The following ANAPC10 variants were observed in gnomAD, a reference collection of about 807,000 sequenced individuals.
The protein encoded by ANAPC10 is anaphase-promoting complex subunit 10.
A neutral mutation model predicts 22.0 loss-of-function variants in ANAPC10; 12 were observed. That is an observed-to-expected ratio of 0.55 (90% CI 0.35 to 0.88). ANAPC10 has a LOEUF of 0.88. Ranked by LOEUF, ANAPC10 falls within the 40% of genes least tolerant of loss-of-function variation. The pLI is 0.01. For missense variants in ANAPC10, 188 were observed against 220.9 expected (o/e 0.85, Z 0.94); for synonymous variants, 65 against 69.5 (o/e 0.94, Z 0.32).
At chr4:145,057,008 CA>C (rs1742161041) in intron 4 of ANAPC10, among the ~76,000 whole-genome samples, 1 of 152,082 alleles carries the variant, frequency 6.6e-6, no homozygotes, top group African/African-American at 2.4e-5. Flanking sequence ...TGCAAAAGAT[CA>C]CTTGAAAAAA....
chr4:144,997,967 A>C (rs1182649142), intron 4 of ANAPC10, among the ~76,000 whole-genome samples: 2 of 152,224 alleles, frequency 1.3e-5, no homozygotes, highest in African/African-American at 4.8e-5. Flanking sequence ...ACCAACAAAG[A>C]TCAAAAGAGA....
chr4:145,025,499 G>C (rs1736527543), intron 4 of ANAPC10, among the ~76,000 whole-genome samples: 1 of 151,988 alleles, frequency 6.6e-6, no homozygotes, highest in South Asian at 2.1e-4. Flanking sequence ...GAGAGGGAGG[G>C]AGATGGGAAA....
At chr4:145,030,477 C>A (rs1164416871) in intron 4 of ANAPC10, among the ~76,000 whole-genome samples, 1 of 152,160 alleles carries the variant, frequency 6.6e-6, no homozygotes, top group Non-Finnish European at 1.5e-5. Flanking sequence ...TGGCTCTGAG[C>A]TGACATTGAT....
At chr4:145,092,691 A>C (rs1747868442) in intron 2 of ANAPC10, among the ~76,000 whole-genome samples, 3 of 152,126 alleles carry the variant, frequency 2.0e-5, no homozygotes. Context: ...AAACAGCCTA[A>C]GTCAGTGCTA....
intron 4 of ANAPC10, among the ~76,000 whole-genome samples, chr4:145,012,947 T>C (rs958291563): frequency 9.9e-5 from 15 of 152,038 alleles, no homozygotes; most frequent in Non-Finnish European, 1.5e-4. Context: ...TGATAGTGAG[T>C]GAGTTATCAC....
At chr4:145,027,645 T>A (rs950648458) in intron 4 of ANAPC10, among the ~76,000 whole-genome samples, 1 of 152,166 alleles carries the variant, frequency 6.6e-6, no homozygotes, top group Admixed American at 6.5e-5. Context: ...ATGCAAAGCA[T>A]CAGAAATTAA....
Position 145,082,253 on chromosome 4 carries a change from G to A in ANAPC10, c.116-503C>T, listed in dbSNP as rs529942921. On this transcript the variant is annotated intron_variant, in intron 2 of 4. Transcript: ENST00000507656. ...CAACCTCCGCCTCCCGGATTCAAGC[G>A]ATTCTCCTGCCTCAGCCTCCCAAGT... is the stretch of plus-strand genomic sequence containing the variant. Among the ~76,000 whole-genome samples, 17 of 152,298 alleles carry A rather than the reference G, an allele frequency of 1.1e-4. No homozygotes were observed. The South Asian group carries it at 2.3e-3, about 20-fold the overall frequency.
At chr4:145,017,251 C>CA (rs1735312959) in intron 4 of ANAPC10, among the ~76,000 whole-genome samples, 1 of 151,728 alleles carries the variant, frequency 6.6e-6, no homozygotes, top group Admixed American at 6.6e-5. Flanking sequence ...CCAGAATCTA[C>CA]AAAGAACTCA....
At chr4:145,030,848 G>C (rs1239493193) in intron 4 of ANAPC10, among the ~76,000 whole-genome samples, 1 of 152,176 alleles carries the variant, frequency 6.6e-6, no homozygotes, top group Non-Finnish European at 1.5e-5. Flanking sequence ...AGGACTTGAA[G>C]GACGTGGGGG....
chr4:145,059,768 G>A (rs1579069401), intron 4 of ANAPC10, among the ~76,000 whole-genome samples: 2 of 151,922 alleles, frequency 1.3e-5, no homozygotes, highest in Admixed American at 1.3e-4. Flanking sequence ...AAGTATCCTT[G>A]AATTTCAGCT....
chr4:145,018,360 A>G (rs975349387), intron 4 of ANAPC10, among the ~76,000 whole-genome samples: 2 of 152,036 alleles, frequency 1.3e-5, no homozygotes, highest in African/African-American at 4.8e-5. Context: ...CTGGCCGGGC[A>G]CCGCGGCTCA....
chr4:145,025,592 G>A (rs1305101437), intron 4 of ANAPC10, among the ~76,000 whole-genome samples: 1 of 152,088 alleles, frequency 6.6e-6, no homozygotes, highest in Non-Finnish European at 1.5e-5. Flanking sequence ...AGTTCGTGGG[G>A]ACCCATAACA....
At chr4:145,045,825 C>T (rs1740214958) in intron 4 of ANAPC10, among the ~76,000 whole-genome samples, 2 of 152,024 alleles carry the variant, frequency 1.3e-5, no homozygotes. Context: ...GTCTTAATGC[C>T]ATGGGTATCA....
At chr4:145,080,679 C>T (rs1341980315) in intron 3 of ANAPC10, among the ~76,000 whole-genome samples, 8 of 151,888 alleles carry the variant, frequency 5.3e-5, no homozygotes, top group African/African-American at 1.2e-4. Flanking sequence ...GAGGCCGAGG[C>T]GGGTTGAATC....
In ANAPC10 at chr4:145,026,941, A is replaced by ATG. The variant is rs1433016239; in HGVS notation, c.328-31339_328-31338insCA. Among the ~76,000 whole-genome samples, 161 of 24,646 alleles carry ATG rather than the reference A, an allele frequency of 6.5e-3. 3 individuals carry two copies. The highest frequency in any genetic ancestry group is 0.016 in the African/African-American group (109 of 7,004). 16.2% of individuals were successfully genotyped at this position (24,646 alleles called of 152,430 possible). ...CATACATATATATATATATATATATATATATGTGTGTGTGTGTATATATAT... is the reference window on the plus strand; with the variant it reads ...CATACATATATATATATATATATATATGTATATGTGTGTGTGTGTATATATAT... On this transcript the variant is annotated intron_variant, in intron 4 of 4. Transcript: ENST00000507656.
At chr4:145,097,629 T>A in intron 1 of ANAPC10, 1 of 801,832 alleles carries the variant, frequency 1.2e-6, no homozygotes, top group Non-Finnish European at 1.8e-6. Flanking sequence ...GCTCAATAAG[T>A]AATTTACTGA....
rs1745696173 is a variant in ANAPC10 at position 145,079,770 on chromosome 4, GA to G, written c.206+1889del. ...GAGGCCGGCATCCTAAGAGAACACA[GA>G]AACAGAAAACCAAATATTGCATGTT... On this transcript the variant is annotated intron_variant, in intron 3 of 4. Transcript: ENST00000507656. Among the ~76,000 whole-genome samples, 7 of 152,228 alleles carry G rather than the reference GA, an allele frequency of 4.6e-5. No homozygotes were observed. The South Asian group carries it at 1.2e-3, about 27-fold the overall frequency.
At chr4:145,001,332 G>A (rs1212540117) in intron 4 of ANAPC10, among the ~76,000 whole-genome samples, 1 of 151,998 alleles carries the variant, frequency 6.6e-6, no homozygotes, top group African/African-American at 2.4e-5. Context: ...TGAACCTTGA[G>A]GACATTATTC....
rs117000537 is a variant in ANAPC10 at position 145,092,633 on chromosome 4, G to A, written c.115+3352C>T. Among the ~76,000 whole-genome samples the A allele has an allele frequency of 1.4e-4, 21 of 152,280 alleles. 1 individual carries two copies. In the East Asian group the frequency reaches 4.1e-3, roughly 29 times the overall value. On this transcript the variant is annotated intron_variant, in intron 2 of 4. Transcript: ENST00000507656. ...TTCACACTGACTCTCAGACTCTTTT[G>A]CAAGGGCCCTCACTTTACACATAAA...
Sources: allele counts gnomAD v4.1 joint callset (sites outside exome capture counted in the v4.1 genomes callset), GRCh38; gene constraint gnomAD v4.1.1; transcripts MANE v1.5; gene names NCBI Gene and HGNC (gene_info 2026-07-23, HGNC 2026-07-21).